Variants in APBB2 observed in about 807,000 individuals in gnomAD.
The protein encoded by APBB2 is amyloid beta precursor protein binding family B member 2.
APBB2 carries 38 observed loss-of-function variants against 82.5 expected under a neutral mutation model. The observed-to-expected ratio is 0.46, with a 90% CI of 0.36 to 0.60. The LOEUF (loss-of-function observed/expected upper bound fraction) is 0.60, where lower values mean the gene tolerates loss of function less well. Among genes scored for constraint, APBB2 ranks in the 20% least tolerant of loss-of-function variants. The pLI is 0.00. For missense variants in APBB2, 772 were observed against 972.3 expected, an observed-to-expected ratio of 0.79 and a Z score of 2.74; for synonymous variants, 341 against 368.2, an observed-to-expected ratio of 0.93 and a Z score of 0.85.
chr4:40,972,593 C>A (rs1211685632), intron 6 of APBB2, among the ~76,000 whole-genome samples: 1 of 152,158 alleles, frequency 6.6e-6, no homozygotes, highest in East Asian at 1.9e-4. Context: ...TTCATCAGTT[C>A]ATTCAATGCA....
chr4:41,179,994 C>A (rs1050578137), intron 1 of APBB2, among the ~76,000 whole-genome samples: 3 of 152,224 alleles, frequency 2.0e-5, no homozygotes, highest in Non-Finnish European at 4.4e-5. Context: ...CAACATCCAA[C>A]TAATCCTTCT....
At chr4:40,901,217 G>T (rs112807716) in intron 10 of APBB2, among the ~76,000 whole-genome samples, 1 of 152,298 alleles carries the variant, frequency 6.6e-6, no homozygotes, top group African/African-American at 2.4e-5. Flanking sequence ...TAGGGTCCTG[G>T]CATGATGAAA....
At chr4:40,853,505 A>G (rs986909866) in intron 12 of APBB2, among the ~76,000 whole-genome samples, 3 of 151,442 alleles carry the variant, frequency 2.0e-5, no homozygotes, top group African/African-American at 7.3e-5. Context: ...GCTGGAGTGC[A>G]ATGGCATGAT....
At chr4:41,182,405 G>A (rs1417521195) in intron 1 of APBB2, among the ~76,000 whole-genome samples, 4 of 152,138 alleles carry the variant, frequency 2.6e-5, no homozygotes, top group African/African-American at 9.7e-5. Context: ...TAATCTCACA[G>A]CTTCAAACAC....
intron 4 of APBB2, among the ~76,000 whole-genome samples, chr4:41,034,238 AGAT>A (rs10553148): frequency 0.26 from 40,171 of 152,060 alleles, 6,467 homozygotes; most frequent in East Asian, 0.54. Flanking sequence ...CTGGTTCATT[AGAT>A]GATAATACAC....
At chr4:41,125,457 C>G (rs1291960829) in intron 2 of APBB2, among the ~76,000 whole-genome samples, 1 of 152,092 alleles carries the variant, frequency 6.6e-6, no homozygotes, top group Non-Finnish European at 1.5e-5. Context: ...GTCCCAGCAA[C>G]CCAATCAAGA....
intron 5 of APBB2, among the ~76,000 whole-genome samples, chr4:41,027,404 T>TATATATATATATAA (rs1426043208): frequency 1.2e-4 from 16 of 130,558 alleles, no homozygotes; most frequent in African/African-American, 3.7e-4. Context: ...TATATATATA[T>TATATATATATATAA]AACATTTTCA....
At chr4:40,983,767 G>T (rs1490737605) in intron 6 of APBB2, among the ~76,000 whole-genome samples, 1 of 152,226 alleles carries the variant, frequency 6.6e-6, no homozygotes, top group South Asian at 2.1e-4. Flanking sequence ...TGGTAAAGAC[G>T]GGGTTCCACA....
chr4:41,213,281 C>T (rs1249184855), intron 1 of APBB2, among the ~76,000 whole-genome samples: 1 of 152,066 alleles, frequency 6.6e-6, no homozygotes, highest in Admixed American at 6.5e-5. Context: ...GGGTATTTCA[C>T]GTAAGTAATT....
chr4:40,830,476 T>C lies in APBB2; in HGVS notation c.1631A>G (p.Glu544Gly). Reference protein sequence around the residue: ...PAKAIATSLHEICSKIMAERK... With the variant: ...PAKAIATSLHGICSKIMAERK... ...GACCCACCTTACCTTGGAGCAGATC[T>C]CGTGGAGACTTGTGGCAATGGCTTT... The change falls in exon 13 of 18, where the codon GAG becomes GGG. Residue 544 changes from glutamate to glycine, a missense_variant. By Grantham distance (98) the Glu-to-Gly change is moderately conservative. Transcript: ENST00000508593. The C allele has an allele frequency of 6.2e-7, 1 of 1,613,702 alleles. No individual in the cohort carries two copies. The highest frequency in any genetic ancestry group is 8.5e-7 in the Non-Finnish European group (1 of 1,179,568).
intron 6 of APBB2, among the ~76,000 whole-genome samples, chr4:40,964,869 T>C (rs564871451): frequency 1.7e-4 from 26 of 151,930 alleles, no homozygotes; most frequent in Middle Eastern, 3.4e-3. Context: ...ACCTGTAATC[T>C]TAGCACTTTG....
intron 4 of APBB2, among the ~76,000 whole-genome samples, chr4:41,059,797 T>C (rs1380734526): frequency 6.6e-6 from 1 of 152,088 alleles, no homozygotes; most frequent in Non-Finnish European, 1.5e-5. Context: ...CTGAAGGCTG[T>C]GAGACCCCTG....
intron 10 of APBB2, among the ~76,000 whole-genome samples, chr4:40,920,566 G>A (rs1297490651): frequency 6.6e-6 from 1 of 152,164 alleles, no homozygotes; most frequent in Non-Finnish European, 1.5e-5. Flanking sequence ...CCAAATGCAG[G>A]CTTTAAAGGG....
chr4:41,019,006 C>T (rs531617418), intron 5 of APBB2, among the ~76,000 whole-genome samples: 2 of 152,182 alleles, frequency 1.3e-5, no homozygotes, highest in Non-Finnish European at 2.9e-5. Flanking sequence ...ATAAGGTTCC[C>T]ATTAGCCACT....
intron 1 of APBB2, among the ~76,000 whole-genome samples, chr4:41,188,712 T>C (rs142787400): frequency 1.4e-3 from 217 of 152,292 alleles, no homozygotes; most frequent in African/African-American, 5.0e-3. Context: ...GATGCTTATG[T>C]GAACTAAGGT....
At chr4:40,945,825 G>A (rs1264740648) in intron 6 of APBB2, among the ~76,000 whole-genome samples, 2 of 152,120 alleles carry the variant, frequency 1.3e-5, no homozygotes, top group African/African-American at 4.8e-5. Flanking sequence ...AGCCAGGATG[G>A]TCTCCATCTC....
rs1462151294 is a variant in APBB2 at position 40,815,314 on chromosome 4, C to T, written c.*778G>A. 1 of 152,552 alleles carries T rather than the reference C, an allele frequency of 6.6e-6. No homozygotes were observed. The highest frequency in any genetic ancestry group is 1.5e-5 in the Non-Finnish European group (1 of 68,018). 9.4% of individuals were successfully genotyped at this position (152,552 alleles called of 1,614,324 possible). ...TATAAGGCAGAAGTTTGAAATATGT[C>T]CCACCCAAAATGCATTATGATTTTA... On this transcript the variant is annotated 3_prime_UTR_variant, in exon 18 of 18. Transcript: ENST00000508593.
At chr4:40,847,518 CAGGAACGCATA>C (rs1428826542) in intron 12 of APBB2, among the ~76,000 whole-genome samples, 1 of 152,156 alleles carries the variant, frequency 6.6e-6, no homozygotes. Context: ...TGACAAAGCA[CAGGAACGCATA>C]AGGATTTAGA....
intron 10 of APBB2, among the ~76,000 whole-genome samples, chr4:40,914,226 A>G (rs1779289143): frequency 6.6e-6 from 1 of 152,190 alleles, no homozygotes; most frequent in Non-Finnish European, 1.5e-5. Flanking sequence ...AAAAAAAATT[A>G]GCCAGGCATG....
Sources: allele counts gnomAD v4.1 joint callset (sites outside exome capture counted in the v4.1 genomes callset), GRCh38; gene constraint gnomAD v4.1.1; transcripts MANE v1.5; gene names NCBI Gene and HGNC (gene_info 2026-07-23, HGNC 2026-07-21).